The following CPQ variants were observed in gnomAD, a reference collection of about 807,000 sequenced individuals.
CPQ encodes the protein Ser-Met dipeptidase.
CPQ carries 37 observed loss-of-function variants against 45.7 expected under a neutral mutation model. That is an observed-to-expected ratio of 0.81 (90% CI 0.62 to 1.07). The LOEUF is 1.07. Ranked by LOEUF, CPQ falls within the 50% of genes least tolerant of loss-of-function variation. The probability of loss-of-function intolerance (pLI) is 0.00; values close to 1 mark genes in which losing one functional copy is unlikely to be tolerated. For missense variants in CPQ, 537 were observed against 572.9 expected (o/e 0.94, Z 0.64); for synonymous variants, 186 against 205.8 (o/e 0.90, Z 0.82).
intron 4 of CPQ, among the ~76,000 whole-genome samples, chr8:96,928,771 C>T (rs1306600634): frequency 1.3e-5 from 2 of 152,140 alleles, no homozygotes; most frequent in Non-Finnish European, 2.9e-5. Context: ...AAGTTGCTTG[C>T]AGGATTGGCT....
rs138613814 is a variant in CPQ at position 96,647,140 on chromosome 8, C to T, written c.-35+1738C>T. On this transcript the variant is annotated intron_variant, in intron 1 of 7. Transcript: ENST00000220763. ...AAGGACCTTGGAGATTTTTTAAAGGCACTTCAAAAGTCATTATACATACAT... is the reference window on the plus strand; with the variant it reads ...AAGGACCTTGGAGATTTTTTAAAGGTACTTCAAAAGTCATTATACATACAT... Among the ~76,000 whole-genome samples the T allele has an allele frequency of 3.8e-4, 58 of 152,314 alleles. 1 individual carries two copies. Among genetic ancestry groups the T allele is most frequent in the African/African-American group, 1.4e-3 (57 of 41,564 alleles).
chr8:97,067,135 C>G, intron 7 of CPQ, among the ~76,000 whole-genome samples: 1 of 151,836 alleles, frequency 6.6e-6, no homozygotes, highest in African/African-American at 2.4e-5. Context: ...CCATGTTGCC[C>G]AGGCTGGTCT....
chr8:96,655,011 G>C (rs1815622446), intron 1 of CPQ, among the ~76,000 whole-genome samples: 1 of 151,024 alleles, frequency 6.6e-6, no homozygotes, highest in Non-Finnish European at 1.5e-5. Context: ...TCTCCTCAAT[G>C]ATTTTTTAAT....
In CPQ at chr8:96,683,639, C is replaced by T. The variant is rs550069169; in HGVS notation, c.-35+38237C>T. Among the ~76,000 whole-genome samples, 7 of 152,016 alleles carry T rather than the reference C, an allele frequency of 4.6e-5. No homozygotes were observed. The East Asian group carries it at 1.4e-3, about 29-fold the overall frequency. On this transcript the variant is annotated intron_variant, in intron 1 of 7. Transcript: ENST00000220763. ...TCTATGTTGTTATCTATCTCTTGCCCTTCTGGAACTGCCAGAATTAGAATT... is the reference window on the plus strand; with the variant it reads ...TCTATGTTGTTATCTATCTCTTGCCTTTCTGGAACTGCCAGAATTAGAATT...
In CPQ at chr8:96,738,421, GTAGT is replaced by G. The variant is rs572053834; in HGVS notation, c.-34-46440_-34-46437del. 4.7e-3 allele frequency among the ~76,000 whole-genome samples: 714 copies of G among 150,664 alleles called. 11 individuals carry two copies. The highest frequency in any genetic ancestry group is 0.012 in the African/African-American group (503 of 41,182). On this transcript the variant is annotated intron_variant, in intron 1 of 7. Coordinates refer to ENST00000220763, the MANE Select transcript of CPQ (RefSeq NM_016134.4). Reference sequence around the variant, plus strand: ...ATATGTAAATTGTTTTTTTTTCCAGGTAGTTATTCATTTTTATTTTTTATTTTTT... The same window carrying G: ...ATATGTAAATTGTTTTTTTTTCCAGGTATTCATTTTTATTTTTTATTTTTT...
At chr8:96,834,546 C>A (rs1000596407) in intron 2 of CPQ, among the ~76,000 whole-genome samples, 3 of 152,128 alleles carry the variant, frequency 2.0e-5, no homozygotes, top group Admixed American at 6.5e-5. Flanking sequence ...GGTTGTTTAG[C>A]AACATATCAA....
At chr8:96,865,974 T>G (rs1235330673) in intron 3 of CPQ, among the ~76,000 whole-genome samples, 1 of 152,070 alleles carries the variant, frequency 6.6e-6, no homozygotes, top group African/African-American at 2.4e-5. Flanking sequence ...TAGGTTAGTC[T>G]GGCATATAAT....
chr8:97,050,990 A>T (rs535833565), intron 6 of CPQ, among the ~76,000 whole-genome samples: 159 of 152,232 alleles, frequency 1.0e-3, no homozygotes, highest in African/African-American at 3.7e-3. Context: ...TTTCTTTTTG[A>T]TGAGGATATG....
chr8:96,676,252 T>A (rs560129040), intron 1 of CPQ, among the ~76,000 whole-genome samples: 1 of 152,062 alleles, frequency 6.6e-6, no homozygotes, highest in East Asian at 1.9e-4. Flanking sequence ...TCTCTCTTCA[T>A]CCCTCCCACT....
chr8:96,871,076 T>C (rs117222897), intron 3 of CPQ, among the ~76,000 whole-genome samples: 1 of 151,816 alleles, frequency 6.6e-6, no homozygotes, highest in East Asian at 1.9e-4. Context: ...CTTTCCTCCT[T>C]TGAATTCACT....
chr8:97,135,296 G>A lies in CPQ; in HGVS notation c.1256-7724G>A, dbSNP rs138043297. On this transcript the variant is annotated intron_variant, in intron 7 of 7. Transcript: ENST00000220763. The stretch of plus-strand genomic sequence containing the variant: ...ACTTTCTGGTCCTGTCCTGTCCTTT[G>A]TTTTCCTTTCATTTTTTCCCCCTCT... Among the ~76,000 whole-genome samples the A allele has an allele frequency of 3.7e-4, 56 of 152,130 alleles. No homozygotes were observed. The East Asian group carries it at 9.7e-3, about 26-fold the overall frequency.
intron 1 of CPQ, among the ~76,000 whole-genome samples, chr8:96,657,615 C>T (rs1451738037): frequency 6.6e-6 from 1 of 152,172 alleles, no homozygotes; most frequent in South Asian, 2.1e-4. Context: ...GATGTCATGC[C>T]TACATGTTTA....
intron 7 of CPQ, among the ~76,000 whole-genome samples, chr8:97,103,295 A>T (rs1811348384): frequency 6.6e-6 from 1 of 152,232 alleles, no homozygotes; most frequent in Admixed American, 6.5e-5. Flanking sequence ...TAATCAGATT[A>T]TTCAACATCA....
intron 7 of CPQ, among the ~76,000 whole-genome samples, chr8:97,122,332 T>C (rs1200320290): frequency 1.3e-5 from 2 of 152,160 alleles, no homozygotes; most frequent in African/African-American, 4.8e-5. Context: ...TAATCACTGA[T>C]GTTTTTTGAG....
At chr8:96,908,060 C>T (rs1467870877) in intron 4 of CPQ, among the ~76,000 whole-genome samples, 2 of 151,744 alleles carry the variant, frequency 1.3e-5, no homozygotes, top group Admixed American at 6.6e-5. Context: ...CCTGTCCCTT[C>T]ATTCTATTCT....
chr8:97,004,273 TAA>T (rs765381107), intron 5 of CPQ, among the ~76,000 whole-genome samples: 11 of 134,910 alleles, frequency 8.2e-5, no homozygotes, highest in African/African-American at 2.2e-4. Context: ...AAATAATTTG[TAA>T]AAAAAAAAAA....
At chr8:96,781,993 C>T (rs1036942775) in intron 1 of CPQ, among the ~76,000 whole-genome samples, 5 of 152,126 alleles carry the variant, frequency 3.3e-5, no homozygotes, top group African/African-American at 1.2e-4. Context: ...GGGGTTGAGC[C>T]CCCAAGGACT....
At chr8:97,002,171 T>C (rs1256582690) in intron 5 of CPQ, among the ~76,000 whole-genome samples, 2 of 152,106 alleles carry the variant, frequency 1.3e-5, no homozygotes, top group Non-Finnish European at 2.9e-5. Flanking sequence ...CCTTTGTTAG[T>C]CTAGCTAGCA....
intron 3 of CPQ, among the ~76,000 whole-genome samples, chr8:96,876,908 C>G (rs1200634351): frequency 6.6e-6 from 1 of 151,984 alleles, no homozygotes; most frequent in African/African-American, 2.4e-5. Context: ...GTTGTGATGC[C>G]TTTGTCTGGT....
Sources: gnomAD v4.1 joint callset for allele counts (sites outside exome capture counted in the v4.1 genomes callset) on GRCh38, gnomAD v4.1.1 for gene constraint, MANE v1.5 for transcripts, NCBI Gene and HGNC (gene_info 2026-07-23, HGNC 2026-07-21) for gene names.